The following GNG7 variants were observed in gnomAD, a reference collection of about 807,000 sequenced individuals.
The protein encoded by GNG7 is G protein subunit gamma 7, also known as guanine nucleotide-binding protein G(I)/G(S)/G(O) subunit gamma-7.
In GNG7, 1 loss-of-function variant was observed where a neutral mutation model predicts 4.0. The ratio of observed to expected loss-of-function variants is 0.25; its 90% CI spans 0.09 to 1.18. The LOEUF is 1.18. Among genes scored for constraint, GNG7 ranks in the 50% most tolerant of loss-of-function variants. The pLI, the probability that GNG7 is intolerant of heterozygous loss-of-function variation, is 0.50. For synonymous variants in GNG7, 34 were observed against 36.9 expected, an observed-to-expected ratio of 0.92 and a Z score of 0.29; for missense variants, 86 against 91.9, an observed-to-expected ratio of 0.94 and a Z score of 0.26.
intron 1 of GNG7, among the ~76,000 whole-genome samples, chr19:2,691,739 C>T (rs1163615654): frequency 4.0e-5 from 6 of 149,082 alleles, no homozygotes; most frequent in Admixed American, 6.7e-5. Context: ...TGGTGGCACA[C>T]GCCTGTAATC....
At chr19:2,585,111 G>GGAAA (rs1224152524) in intron 2 of GNG7, among the ~76,000 whole-genome samples, 1 of 65,494 alleles carries the variant, frequency 1.5e-5, no homozygotes. Flanking sequence ...AAGGAAGGAA[G>GGAAA]GAAAGAAGGT....
intron 3 of GNG7, among the ~76,000 whole-genome samples, chr19:2,553,515 T>C (rs1979411427): frequency 1.3e-5 from 2 of 148,672 alleles, no homozygotes; most frequent in African/African-American, 2.4e-5. Flanking sequence ...TCATTACATA[T>C]ATGTACACAT....
intron 2 of GNG7, among the ~76,000 whole-genome samples, chr19:2,596,896 CTTTT>C (rs904316336): frequency 6.6e-6 from 1 of 151,962 alleles, no homozygotes; most frequent in Non-Finnish European, 1.5e-5. Flanking sequence ...ACAAATTTTA[CTTTT>C]TTTATGGATT....
At chr19:2,562,842 G>C (rs76030990) in intron 2 of GNG7, among the ~76,000 whole-genome samples, 11,083 of 152,258 alleles carry the variant, frequency 0.073, 529 homozygotes, top group East Asian at 0.21. Flanking sequence ...GAGAGGATGT[G>C]AGTCCCAGGA....
intron 2 of GNG7, among the ~76,000 whole-genome samples, chr19:2,604,629 G>A (rs1257587984): frequency 3.9e-5 from 3 of 76,224 alleles, no homozygotes; most frequent in Admixed American, 4.0e-4. Flanking sequence ...AACGGAGCAA[G>A]ACCCTCCTTC....
At chr19:2,647,601 C>A (rs932887668) in intron 1 of GNG7, among the ~76,000 whole-genome samples, 6 of 152,112 alleles carry the variant, frequency 3.9e-5, no homozygotes, top group Non-Finnish European at 5.9e-5. Context: ...GCCTGTGACC[C>A]CAGCTACTCG....
At chr19:2,698,756 A>T (rs564484017) in intron 1 of GNG7, among the ~76,000 whole-genome samples, 47 of 149,792 alleles carry the variant, frequency 3.1e-4, no homozygotes, top group African/African-American at 1.2e-3. Flanking sequence ...TTGAATGAAG[A>T]AAGGAGTGTT....
At chr19:2,662,295 T>A (rs933372952) in intron 1 of GNG7, among the ~76,000 whole-genome samples, 1 of 151,468 alleles carries the variant, frequency 6.6e-6, no homozygotes, top group African/African-American at 2.4e-5. Flanking sequence ...CCCAAGATAT[T>A]TCTGTGACCA....
intron 2 of GNG7, among the ~76,000 whole-genome samples, chr19:2,579,306 C>T (rs368925154): frequency 5.3e-5 from 8 of 152,366 alleles, no homozygotes; most frequent in Admixed American, 4.6e-4. Context: ...CGGCTGGCTC[C>T]CGTCCGGGTC....
chr19:2,581,118 A>G (rs1233432329), intron 2 of GNG7, among the ~76,000 whole-genome samples: 2 of 151,936 alleles, frequency 1.3e-5, no homozygotes, highest in Non-Finnish European at 1.5e-5. Context: ...TCTTCCCCTC[A>G]TATCAGGCCT....
rs548416167 is a variant in GNG7 at position 2,557,144 on chromosome 19, G to A, written c.-77-1956C>T. Among the ~76,000 whole-genome samples, 15 of 150,018 alleles carry A rather than the reference G, an allele frequency of 1.0e-4. No homozygotes were observed. Among genetic ancestry groups the A allele is most frequent in the African/African-American group, 3.7e-4 (15 of 40,428 alleles). ...GTACACACGTGTACTGCACACTCAC[G>A]CACATGCACACAAAGACACGCGCAC... On this transcript the variant is annotated intron_variant, in intron 2 of 4. Coordinates refer to ENST00000382159, the MANE Select transcript of GNG7 (RefSeq NM_052847.3). The surrounding 1 kb of genome is among the most constrained non-coding windows in gnomAD (Gnocchi z 5.1).
At chr19:2,668,624 G>A (rs1983372793) in intron 1 of GNG7, among the ~76,000 whole-genome samples, 1 of 152,170 alleles carries the variant, frequency 6.6e-6, no homozygotes, top group Admixed American at 6.5e-5. Flanking sequence ...CTCAATGAAT[G>A]CCTGCTAAGG....
At position 2,514,744 on chromosome 19, in the gene GNG7, C is replaced by T. The variant is rs1373668689; in HGVS notation, c.*278G>A. 7.7e-6 allele frequency: 2 copies of T among 259,270 alleles called. No individual in the cohort carries two copies. The highest frequency in any genetic ancestry group is 1.5e-4 in the East Asian group (2 of 13,664). 16.1% of individuals were successfully genotyped at this position (259,270 alleles called of 1,614,324 possible). A position where few individuals can be genotyped will look rare whatever the true frequency, so the allele number is the denominator to read the frequency against. On this transcript the variant is annotated 3_prime_UTR_variant, in exon 5 of 5. Coordinates refer to ENST00000382159, the MANE Select transcript of GNG7 (RefSeq NM_052847.3). The stretch of plus-strand genomic sequence containing the variant: ...TTCAGTTATTCCGAACGGGAAGTGG[C>T]CGTAAAGCCTCCATCCCTTTTGGCC...
At chr19:2,536,401 G>A (rs1978737879) in intron 3 of GNG7, among the ~76,000 whole-genome samples, 1 of 151,328 alleles carries the variant, frequency 6.6e-6, no homozygotes, top group South Asian at 2.1e-4. Context: ...CTGGGCAACA[G>A]GAGCGAAACT....
At chr19:2,674,845 C>T (rs1036211125) in intron 1 of GNG7, among the ~76,000 whole-genome samples, 1 of 152,168 alleles carries the variant, frequency 6.6e-6, no homozygotes, top group African/African-American at 2.4e-5. Context: ...CGCATTTCCA[C>T]CCTCGACAGC....
chr19:2,515,797 C>T (rs914757470), intron 4 of GNG7, among the ~76,000 whole-genome samples: 7 of 151,842 alleles, frequency 4.6e-5, no homozygotes, highest in African/African-American at 1.2e-4. Flanking sequence ...GCGTGGGTGC[C>T]GGTGCTGGGG....
At chr19:2,576,676 A>G (rs1980352092) in intron 2 of GNG7, among the ~76,000 whole-genome samples, 1 of 148,820 alleles carries the variant, frequency 6.7e-6, no homozygotes, top group African/African-American at 2.5e-5. Context: ...CCTCCTGAGT[A>G]GCTGGGACTA....
At chr19:2,556,121 G>C (rs1979535571) in intron 2 of GNG7, among the ~76,000 whole-genome samples, 2 of 152,226 alleles carry the variant, frequency 1.3e-5, no homozygotes, top group Admixed American at 1.3e-4. Flanking sequence ...CGTCTACACC[G>C]GCCGAGGTCA....
At chr19:2,535,435 G>A (rs1354572170) in intron 3 of GNG7, among the ~76,000 whole-genome samples, 1 of 151,622 alleles carries the variant, frequency 6.6e-6, no homozygotes, top group East Asian at 1.9e-4. Flanking sequence ...AGGAAGTGGA[G>A]GTTGCAGTGA....
Sources: allele counts gnomAD v4.1 joint callset (sites outside exome capture counted in the v4.1 genomes callset), GRCh38; gene constraint gnomAD v4.1.1; non-coding constraint Gnocchi (gnomAD v3.1); transcripts MANE v1.5; gene names NCBI Gene and HGNC (gene_info 2026-07-23, HGNC 2026-07-21).